Variants in CEP112 observed in about 807,000 individuals in gnomAD.
The protein encoded by CEP112 is centrosomal protein of 112 kDa.
Under a neutral mutation model 153.0 loss-of-function variants are expected in CEP112, and 127 were observed. The ratio of observed to expected loss-of-function variants is 0.83; its 90% CI spans 0.72 to 0.96. CEP112 has a LOEUF of 0.96. CEP112 is among the 40% of genes least tolerant of loss of function. The probability of loss-of-function intolerance (pLI) is 0.00; values close to 1 mark genes in which losing one functional copy is unlikely to be tolerated. For missense variants in CEP112, 1,089 were observed against 1,101.2 expected (o/e 0.99, Z 0.16); for synonymous variants, 358 against 374.4 (o/e 0.96, Z 0.51).
chr17:65,746,165 CAAAA>C (rs56361589), intron 22 of CEP112, among the ~76,000 whole-genome samples: 90 of 49,480 alleles, frequency 1.8e-3, no homozygotes, highest in African/African-American at 7.5e-3. Flanking sequence ...AACTCCATCT[CAAAA>C]AAAAAAAAAA....
At chr17:65,662,665 T>G (rs566386729) in intron 24 of CEP112, among the ~76,000 whole-genome samples, 15 of 152,162 alleles carry the variant, frequency 9.9e-5, no homozygotes, top group Non-Finnish European at 1.9e-4. Flanking sequence ...GGCCGCAGTA[T>G]CCTCATTGGG....
chr17:65,901,983 C>CG (rs1193965831), intron 20 of CEP112, among the ~76,000 whole-genome samples, 169 bp downstream of exon 20: 234 of 4,904 alleles, frequency 0.048, 28 homozygotes, highest in African/African-American at 0.084. Flanking sequence ...CATCCCAAAA[C>CG]GGGGGGGGGG....
At chr17:66,059,645 A>G (rs1429819886) in intron 11 of CEP112, among the ~76,000 whole-genome samples, 1 of 152,200 alleles carries the variant, frequency 6.6e-6, no homozygotes, top group African/African-American at 2.4e-5. Flanking sequence ...AAGATTAAAA[A>G]CAACAGATGC....
chr17:66,022,459 A>G (rs10853069), intron 16 of CEP112, among the ~76,000 whole-genome samples: 62,424 of 151,914 alleles, frequency 0.41, 14,300 homozygotes, highest in East Asian at 0.87. Flanking sequence ...CTGTAATCCC[A>G]GCACTTTGGG....
intron 20 of CEP112, among the ~76,000 whole-genome samples, chr17:65,869,461 T>C (rs1173717453): frequency 1.3e-5 from 2 of 152,134 alleles, no homozygotes; most frequent in African/African-American, 4.8e-5. Context: ...AGGTTAGCTG[T>C]GGAAGGAATT....
intron 4 of CEP112, among the ~76,000 whole-genome samples, chr17:66,160,073 G>A (rs1387962462): frequency 6.6e-6 from 1 of 152,100 alleles, no homozygotes; most frequent in Admixed American, 6.5e-5. Flanking sequence ...GCCAAATCAT[G>A]AGTGAATTCC....
chr17:65,887,343 A>G (rs1218163114), intron 20 of CEP112, among the ~76,000 whole-genome samples: 1 of 152,186 alleles, frequency 6.6e-6, no homozygotes, highest in African/African-American at 2.4e-5. Flanking sequence ...TTCTCAAACT[A>G]CATGATATAC....
intron 21 of CEP112, among the ~76,000 whole-genome samples, chr17:65,820,864 T>C (rs79382725): frequency 0.056 from 8,565 of 152,112 alleles, 336 homozygotes; most frequent in South Asian, 0.12. Flanking sequence ...ACATAAGCAA[T>C]TGTCACAAAT....
chr17:65,639,136 T>C (rs1348770547), intron 25 of CEP112, among the ~76,000 whole-genome samples: 1 of 152,100 alleles, frequency 6.6e-6, no homozygotes, highest in Non-Finnish European at 1.5e-5. Flanking sequence ...CAGTAGCATA[T>C]GGATTGAGAT....
Position 65,878,248 on chromosome 17 carries a change from G to A in CEP112, c.2163+23904C>T, listed in dbSNP as rs146025455. ...GGAAGAAGGGAAACTGTGAGATGTCGGATGTGTCAATTAGCTTGATTGTGG... is the reference window on the plus strand; with the variant it reads ...GGAAGAAGGGAAACTGTGAGATGTCAGATGTGTCAATTAGCTTGATTGTGG... On this transcript the variant is annotated intron_variant, in intron 20 of 26. Transcript: ENST00000535342. Among the ~76,000 whole-genome samples the A allele has an allele frequency of 5.3e-3, 806 of 152,176 alleles. 3 individuals carry two copies. The highest frequency in any genetic ancestry group is 0.017 in the African/African-American group (723 of 41,524).
At chr17:66,036,325 A>G (rs1428308135) in intron 12 of CEP112, among the ~76,000 whole-genome samples, 1 of 152,194 alleles carries the variant, frequency 6.6e-6, no homozygotes, top group Non-Finnish European at 1.5e-5. Flanking sequence ...ACTGCATTGT[A>G]CCTTAAAAAT....
chr17:65,686,571 CTTCTT>C (rs1252527889), intron 24 of CEP112, among the ~76,000 whole-genome samples: 1 of 152,208 alleles, frequency 6.6e-6, no homozygotes, highest in East Asian at 1.9e-4. Context: ...GTCTCTTCTT[CTTCTT>C]TTAATTACAA....
intron 2 of CEP112, among the ~76,000 whole-genome samples, chr17:66,181,601 C>T (rs946242675): frequency 2.0e-5 from 3 of 152,068 alleles, no homozygotes; most frequent in Admixed American, 1.3e-4. Context: ...ATGATCCACC[C>T]GCCTCAGCCT....
intron 16 of CEP112, among the ~76,000 whole-genome samples, chr17:66,021,150 AG>A (rs1319243472): frequency 6.6e-6 from 1 of 152,138 alleles, no homozygotes; most frequent in Admixed American, 6.5e-5. Context: ...GAATGATACC[AG>A]GAAGTACCCC....
chr17:66,114,733 A>G (rs974621486), intron 6 of CEP112, among the ~76,000 whole-genome samples: 2 of 152,176 alleles, frequency 1.3e-5, no homozygotes, highest in African/African-American at 2.4e-5. Flanking sequence ...GAATAGGAAA[A>G]GGGCAGACAA....
chr17:65,758,742 C>A (rs9907969), intron 21 of CEP112, among the ~76,000 whole-genome samples: 65,487 of 151,986 alleles, frequency 0.43, 14,792 homozygotes, highest in East Asian at 0.79. Flanking sequence ...TTGTTTTAGG[C>A]TGAAAGAAAG....
chr17:65,814,327 C>T (rs1157951424), intron 21 of CEP112, among the ~76,000 whole-genome samples: 1 of 152,158 alleles, frequency 6.6e-6, no homozygotes, highest in Non-Finnish European at 1.5e-5. Flanking sequence ...GCTCTCATAG[C>T]TTTCTCTATT....
intron 6 of CEP112, among the ~76,000 whole-genome samples, chr17:66,110,390 G>A (rs1269439011): frequency 6.6e-6 from 1 of 151,446 alleles, no homozygotes; most frequent in Non-Finnish European, 1.5e-5. Context: ...CTATAGTAAT[G>A]TAGACAAACC....
intron 21 of CEP112, among the ~76,000 whole-genome samples, chr17:65,780,391 C>A (rs1336585636): frequency 1.3e-5 from 2 of 152,016 alleles, no homozygotes; most frequent in African/African-American, 2.4e-5. Flanking sequence ...AACTGAAACT[C>A]ATTTATTACT....
Sources: gnomAD v4.1 joint callset for allele counts (sites outside exome capture counted in the v4.1 genomes callset) on GRCh38, gnomAD v4.1.1 for gene constraint, MANE v1.5 for transcripts, NCBI Gene and HGNC (gene_info 2026-07-23, HGNC 2026-07-21) for gene names.